The following TTN variants were observed in gnomAD, a reference collection of about 807,000 sequenced individuals.
TTN encodes the protein titin, also known as connectin.
In TTN, 1,525 loss-of-function variants were observed where a neutral mutation model predicts 3,223.0. The observed-to-expected ratio is 0.47, with a 90% CI of 0.45 to 0.49. TTN has a LOEUF of 0.49. TTN is among the 20% of genes least tolerant of loss of function. The probability of loss-of-function intolerance (pLI) is 0.00; values close to 1 mark genes in which losing one functional copy is unlikely to be tolerated. For synonymous variants in TTN, 14,094 were observed against 15,161.0 expected, an observed-to-expected ratio of 0.93 and a Z score of 5.17; for missense variants, 40,786 against 43,424.0, an observed-to-expected ratio of 0.94 and a Z score of 5.40.
At chr2:178,746,471 A>G in intron 47 of TTN, 2 of 1,612,594 alleles carry the variant, frequency 1.2e-6, no homozygotes, top group Non-Finnish European at 1.7e-6. Context: ...TTCCAGGACA[A>G]TTTCTTGAGG....
chr2:178,563,058 TAGCACTTGCA>T lies in TTN; in HGVS notation c.83064_83073del (p.Ala27689LeufsTer31), dbSNP rs794729351. 2 of 1,613,530 alleles carry T rather than the reference TAGCACTTGCA, an allele frequency of 1.2e-6. No homozygotes were observed. Among genetic ancestry groups the T allele is most frequent in the Non-Finnish European group, 1.7e-6 (2 of 1,179,696 alleles). On this transcript the variant is annotated frameshift_variant, in exon 326 of 363. Transcript: ENST00000589042. LOFTEE classifies it high-confidence loss of function. This position sits in a 1 kb window ranked among gnomAD's most constrained non-coding sequence, Gnocchi z 4.5. ...TTGATAGTGACAAATAAGCGTAAAG[TAGCACTTGCA>T]CGCAGAACGACCACCTTTCTGAGAT...
In TTN at chr2:178,571,645, G is replaced by A. The variant is rs1060503951; in HGVS notation, c.74487C>T (p.Ser24829=). 3 of 1,613,338 alleles carry A rather than the reference G, an allele frequency of 1.9e-6. No individual in the cohort carries two copies. The highest frequency in any genetic ancestry group is 1.7e-5 in the Admixed American group (1 of 59,994). ...DEVTADSITL[S]WGPPKYDGGS... ...CACCATCATACTTGGGTGGGCCCCAGGAAAGAGTAATACTATCAGCTGTCA... is the reference window on the plus strand; with the variant it reads ...CACCATCATACTTGGGTGGGCCCCAAGAAAGAGTAATACTATCAGCTGTCA... The change falls in exon 326 of 363, where the codon TCC becomes TCT. Residue 24829 remains serine, a synonymous_variant. Coordinates refer to ENST00000589042, the MANE Select transcript of TTN (RefSeq NM_001267550.2).
Position 178,664,864 on chromosome 2 carries a change from G to T in TTN, c.36106C>A (p.Pro12036Thr). The change falls in exon 166 of 363, where the codon CCA becomes ACA. Residue 12036 changes from proline to threonine, a missense_variant. Transcript: ENST00000589042. ...TGGTGACTTGTACCTTTAACTGATG[G>T]GGGTTCTCTTTTTTTGGAAGGAACT... ...KTVPSKKREP[P>T]SVKVPEALQE... The T allele has an allele frequency of 6.2e-7, 1 of 1,611,492 alleles. No homozygotes were observed. Among genetic ancestry groups the T allele is most frequent in the South Asian group, 1.1e-5 (1 of 90,892 alleles).
chr2:178,711,968 C>G lies in TTN; in HGVS notation c.27862G>C (p.Ala9288Pro). Residue 9288 changes from alanine (A) to proline (P), a missense_variant, in exon 96 of 363, where the codon GCA becomes CCA. Ala to Pro is a conservative substitution (Grantham distance 27, BLOSUM62 -1). Coordinates refer to ENST00000589042, the MANE Select transcript of TTN (RefSeq NM_001267550.2). The stretch of plus-strand genomic sequence containing the variant: ...CCTTGAACGGTAAGGAAAGTTGATG[C>G]AGAAACTTCTCCCACGCTGTTTTCA... ...KAENSVGEVS[A>P]STFLTVQEQK... The G allele has an allele frequency of 6.2e-7, 1 of 1,602,990 alleles. No individual in the cohort carries two copies.
Position 178,592,050 on chromosome 2 carries a change from C to A in TTN, c.59854G>T (p.Ala19952Ser), listed in dbSNP as rs1037724422. The change falls in exon 302 of 363, where the codon GCT becomes TCT. Residue 19952 changes from alanine to serine, a missense_variant. Transcript: ENST00000589042. ...CCACGTCCATACTGGTTCTCCGCAGCTACTCGGAAGAGGTACTGGTTGCCT... is the reference window on the plus strand; with the variant it reads ...CCACGTCCATACTGGTTCTCCGCAGATACTCGGAAGAGGTACTGGTTGCCT... Reference protein sequence around the residue: ...NEGNQYLFRVAAENQYGRGPF... With the variant: ...NEGNQYLFRVSAENQYGRGPF... 1 of 1,613,110 alleles carries A rather than the reference C, an allele frequency of 6.2e-7. No homozygotes were observed. Among genetic ancestry groups the A allele is most frequent in the Non-Finnish European group, 8.5e-7 (1 of 1,179,510 alleles).
chr2:178,712,520 T>G lies in TTN; in HGVS notation c.27402A>C (p.Thr9134=). Residue 9134 remains threonine (T), a synonymous_variant, in exon 95 of 363, where the codon ACA becomes ACC. Coordinates refer to ENST00000589042, the MANE Select transcript of TTN (RefSeq NM_001267550.2). ...EKGKPLILEG[T]FTGTPPISVT... ...CCGAAATGGGAGGAGTTCCAGTGAA[T>G]GTACCCTCTAGGATCAGGGGTTTTC... 1 of 1,613,724 alleles carries G rather than the reference T, an allele frequency of 6.2e-7. No homozygotes were observed. Among genetic ancestry groups the G allele is most frequent in the Non-Finnish European group, 8.5e-7 (1 of 1,179,760 alleles).
In TTN at chr2:178,677,652, T is replaced by C. The variant is rs374616513; in HGVS notation, c.34260A>G (p.Glu11420=). 12 of 1,611,700 alleles carry C rather than the reference T, an allele frequency of 7.4e-6. No individual in the cohort carries two copies. The African/African-American group carries it at 1.6e-4, about 22-fold the overall frequency. ...CAGGTACTGGCACCTTAGGTTTAAC[T>C]TCTGGAAGGACTTCTTCTTCAGGTA... ...EFVPEEEVLP[E]VKPKVPVPAP... is the part of the protein sequence containing the mutation. The change falls in exon 146 of 363, where the codon GAA becomes GAG. Residue 11420 remains glutamate (E), a synonymous_variant. Coordinates refer to ENST00000589042, the MANE Select transcript of TTN (RefSeq NM_001267550.2).
At position 178,719,963 on chromosome 2, in the gene TTN, G is replaced by C. The variant is rs367673630; in HGVS notation, c.23659+20C>G. ...GATCAAGTAAATTGATTTTTTCTCT[G>C]GCTGTGCTTTGCTACTAACCTAGTA... On this transcript the variant is annotated intron_variant, in intron 81 of 362. Coordinates refer to ENST00000589042, the MANE Select transcript of TTN (RefSeq NM_001267550.2). 30 of 1,567,292 alleles carry C rather than the reference G, an allele frequency of 1.9e-5. No individual in the cohort carries two copies. The East Asian group carries it at 5.2e-4, about 27-fold the overall frequency.
At position 178,544,477 on chromosome 2, in the gene TTN, C is replaced by A. The variant is rs1224201899; in HGVS notation, c.95752G>T (p.Val31918Phe). ...YTPGPPSAPR[V>F]VDTTKHSISL... is the part of the protein sequence containing the mutation. ...ATGCTGTGTTTGGTGGTATCCACAA[C>A]TCTTGGAGCAGAAGGTGGTCCAGGG... Residue 31918 changes from valine (V) to phenylalanine (F), a missense_variant, in exon 345 of 363, where the codon GTT becomes TTT. Physicochemically the swap from Val to Phe is conservative, Grantham distance 50 (BLOSUM62 -1). Transcript: ENST00000589042. The A allele has an allele frequency of 1.2e-6, 2 of 1,607,236 alleles. No individual in the cohort carries two copies. Among genetic ancestry groups the A allele is most frequent in the South Asian group, 2.2e-5 (2 of 90,956 alleles).
At position 178,539,835 on chromosome 2, in the gene TTN, C is replaced by T; in HGVS notation, c.98230G>A (p.Asp32744Asn). 1 of 1,613,848 alleles carries T rather than the reference C, an allele frequency of 6.2e-7. No individual in the cohort carries two copies. The highest frequency in any genetic ancestry group is 2.2e-5 in the East Asian group (1 of 44,870). ...GCAATCATGGCACGCTTACTAATATCCTGGCCTTCCTTGGTCCATTTACAT... is the reference window on the plus strand; with the variant it reads ...GCAATCATGGCACGCTTACTAATATTCTGGCCTTCCTTGGTCCATTTACAT... ...PICKWTKEGQDISKRAMIATS... is the reference protein window; with the variant it reads ...PICKWTKEGQNISKRAMIATS... Residue 32744 changes from aspartate (D) to asparagine (N), a missense_variant, in exon 352 of 363, where the codon GAT becomes AAT. By Grantham distance (23) the Asp-to-Asn change is conservative (BLOSUM62 1). Coordinates refer to ENST00000589042, the MANE Select transcript of TTN (RefSeq NM_001267550.2).
At position 178,552,286 on chromosome 2, in the gene TTN, A is replaced by T. The variant is rs1283032526; in HGVS notation, c.90614T>A (p.Ile30205Asn). 2 of 1,613,422 alleles carry T rather than the reference A, an allele frequency of 1.2e-6. No homozygotes were observed. The highest frequency in any genetic ancestry group is 1.7e-6 in the Non-Finnish European group (2 of 1,179,654). Residue 30205 changes from isoleucine (I) to asparagine (N), a missense_variant, in exon 335 of 363, where the codon ATT becomes AAT. By Grantham distance (149) the Ile-to-Asn change is moderately radical. Coordinates refer to ENST00000589042, the MANE Select transcript of TTN (RefSeq NM_001267550.2). The part of the protein sequence containing the change: ...KKEHGGKYTV[I>N]LDNAVCRIAV... The stretch of plus-strand genomic sequence containing the variant: ...AATTCTACACACTGCATTATCAAGA[A>T]TAACAGTGTATTTTCCTCCATGCTC...
At chr2:178,751,231 C>A (rs145004106) in intron 47 of TTN, 1 of 1,609,474 alleles carries the variant, frequency 6.2e-7, no homozygotes, top group African/African-American at 1.3e-5. Flanking sequence ...TTTCAGAAGA[C>A]GTATCTAAAA....
At chr2:178,736,115 C>CT in intron 49 of TTN, 41 bp from the exon 50 acceptor site, 1 of 1,492,010 alleles carries the variant, frequency 6.7e-7, no homozygotes, top group Middle Eastern at 1.8e-4. Context: ...TAGTCCCCAC[C>CT]AAAGCACTTG....
rs763525672 is a variant in TTN at position 178,552,037 on chromosome 2, T to G, written c.90863A>C (p.Asn30288Thr). The change falls in exon 335 of 363, where the codon AAT (asparagine) becomes ACT (threonine). Residue 30288 changes from asparagine to threonine, a missense_variant. By Grantham distance (65) the Asn-to-Thr change is moderately conservative. Coordinates refer to ENST00000589042, the MANE Select transcript of TTN (RefSeq NM_001267550.2). ...CTGGTACTCAGCATCTTTGACTAGATTAGGAACTTTGAAAGTCGTTCTGGC... is the reference window on the plus strand; with the variant it reads ...CTGGTACTCAGCATCTTTGACTAGAGTAGGAACTTTGAAAGTCGTTCTGGC... ...SVARTTFKVP[N>T]LVKDAEYQFR... 1.1e-5 allele frequency: 17 copies of G among 1,613,512 alleles called. No individual in the cohort carries two copies. The highest frequency in any genetic ancestry group is 1.4e-5 in the Non-Finnish European group (16 of 1,179,716).
rs188234466 is a variant in TTN at position 178,715,244 on chromosome 2, T to C, written c.25942A>G (p.Lys8648Glu). ...KVKEPPIFRK[K>E]PHPIETLKGA... The stretch of plus-strand genomic sequence containing the variant: ...TTCAGTGTCTCTATAGGATGAGGCT[T>C]TTTGCGGAAAATGGGTGGTTCTAAA... Residue 8648 changes from lysine to glutamate, a missense_variant, in exon 90 of 363, where the codon AAG (lysine) becomes GAG (glutamate). Lys to Glu is a moderately conservative substitution (Grantham distance 56). Transcript: ENST00000589042. The C allele has an allele frequency of 2.2e-5, 36 of 1,604,728 alleles. No individual in the cohort carries two copies. In the Admixed American group the frequency reaches 5.8e-4, roughly 26 times the overall value.
At position 178,612,527 on chromosome 2, in the gene TTN, A is replaced by G. The variant is rs376917681; in HGVS notation, c.49998T>C (p.Asn16666=). The G allele has an allele frequency of 1.6e-4, 259 of 1,611,692 alleles. 1 individual carries two copies. In the African/African-American group the frequency reaches 3.2e-3, roughly 20 times the overall value. The change falls in exon 266 of 363, where the codon AAT becomes AAC. Residue 16666 remains asparagine, a synonymous_variant. Transcript: ENST00000589042. ...GAACTGTCCATTTTAGGTCTGCTGT[A>G]TTTTTTGTGATATTAATAACTTCAA... is the stretch of plus-strand genomic sequence containing the variant. ...RWLEVINITK[N]TADLKWTVPE...
In TTN at chr2:178,782,812, C is replaced by G; in HGVS notation, c.3094G>C (p.Val1032Leu). The change falls in exon 18 of 363, where the codon GTG becomes CTG. Residue 1032 changes from valine (V) to leucine (L), a missense_variant. Val to Leu is a conservative substitution (Grantham distance 32, BLOSUM62 1). Coordinates refer to ENST00000589042, the MANE Select transcript of TTN (RefSeq NM_001267550.2). Reference sequence around the variant, plus strand: ...TGGGAGGGTGGCCACTAACCCTGCACAGCCAGATAGCAGGATGTGCTGACG... The same window carrying G: ...TGGGAGGGTGGCCACTAACCCTGCAGAGCCAGATAGCAGGATGTGCTGACG... ...GTVSTSCYLA[V>L]QVSEEFEKET... is the part of the protein sequence containing the mutation. 6.2e-7 allele frequency: 1 copy of G among 1,612,858 alleles called. No individual in the cohort carries two copies. Among genetic ancestry groups the G allele is most frequent in the Non-Finnish European group, 8.5e-7 (1 of 1,179,838 alleles).
rs765038844 is a variant in TTN at position 178,664,511 on chromosome 2, G to A, written c.36229C>T (p.Pro12077Ser). ...EVPEALREVV[P>S]EKKVHPPQRA... ...TGGGGAGGATGCACTTTCTTTTCCG[G>A]GACAACTTCTCTGAGAGCCTCCGGC... The change falls in exon 168 of 363, where the codon CCG becomes TCG. Residue 12077 changes from proline (P) to serine (S), a missense_variant. By Grantham distance (74) the Pro-to-Ser change is moderately conservative (BLOSUM62 -1). Coordinates refer to ENST00000589042, the MANE Select transcript of TTN (RefSeq NM_001267550.2). The A allele has an allele frequency of 1.9e-6, 3 of 1,612,124 alleles. No homozygotes were observed. The highest frequency in any genetic ancestry group is 2.5e-6 in the Non-Finnish European group (3 of 1,179,458).
chr2:178,711,188 A>G lies in TTN; in HGVS notation c.28048T>C (p.Ser9350Pro), dbSNP rs949256276. 1 of 1,613,768 alleles carries G rather than the reference A, an allele frequency of 6.2e-7. No homozygotes were observed. The highest frequency in any genetic ancestry group is 8.5e-7 in the Non-Finnish European group (1 of 1,179,796). ...PLKDSPNVQT[S>P]FLDNTATLNI... The stretch of plus-strand genomic sequence containing the variant: ...AGTGTGGCTGTATTGTCTAAAAATG[A>G]TGTTTGTACATTTGGGCTGTCTTTC... Residue 9350 changes from serine (S) to proline (P), a missense_variant, in exon 97 of 363, where the codon TCA becomes CCA. Transcript: ENST00000589042.
Sources: gnomAD v4.1 joint callset for allele counts on GRCh38, gnomAD v4.1.1 for gene constraint, Gnocchi (gnomAD v3.1) non-coding constraint, MANE v1.5 for transcripts, NCBI Gene and HGNC (gene_info 2026-07-23, HGNC 2026-07-21) for gene names.